STK3: variants seen among roughly 807,000 people sequenced by gnomAD.
STK3 encodes the protein serine/threonine kinase 3, also known as serine/threonine-protein kinase 3.
Under a neutral mutation model 58.0 loss-of-function variants are expected in STK3, and 41 were observed. The ratio of observed to expected loss-of-function variants is 0.71; its 90% CI spans 0.55 to 0.92. The LOEUF (loss-of-function observed/expected upper bound fraction) is 0.92. STK3 is among the 40% of genes least tolerant of loss of function. STK3 has a pLI of 0.00. For synonymous variants in STK3, 170 were observed against 191.0 expected, an observed-to-expected ratio of 0.89 and a Z score of 0.91; for missense variants, 479 against 602.7, an observed-to-expected ratio of 0.79 and a Z score of 2.15.
intron 4 of STK3, among the ~76,000 whole-genome samples, chr8:98,731,722 CA>C (rs35275281): frequency 0.52 from 53,126 of 102,588 alleles, 10,894 homozygotes; most frequent in African/African-American, 0.64. Context: ...GACTCCGTCT[CA>C]AAAAAAAAAA....
At chr8:98,941,956 G>A (rs745634177) in intron 1 of STK3, among the ~76,000 whole-genome samples, 2 of 152,212 alleles carry the variant, frequency 1.3e-5, no homozygotes, top group Non-Finnish European at 2.9e-5. Flanking sequence ...GCTCCGCGGA[G>A]ACAGCCTCGG....
upstream of STK3, among the ~76,000 whole-genome samples, chr8:98,392,804 C>T (rs1158481955): frequency 1.3e-5 from 2 of 152,216 alleles, no homozygotes; most frequent in Non-Finnish European, 2.9e-5. Flanking sequence ...GTCCATGAAG[C>T]CAAGTACCTC....
At chr8:98,738,564 C>G (rs978696890) in intron 4 of STK3, among the ~76,000 whole-genome samples, 2 of 152,146 alleles carry the variant, frequency 1.3e-5, no homozygotes, top group African/African-American at 4.8e-5. Flanking sequence ...TCCCAAACAT[C>G]AAGCACGCCA....
At chr8:98,905,239 T>C in intron 1 of STK3, 3 of 842,922 alleles carry the variant, frequency 3.6e-6, no homozygotes, top group Admixed American at 1.7e-5. Context: ...CAACTACACA[T>C]GCATTATCTT....
At chr8:98,576,142 T>C (rs1813378889) in intron 8 of STK3, among the ~76,000 whole-genome samples, 1 of 152,222 alleles carries the variant, frequency 6.6e-6, no homozygotes, top group Non-Finnish European at 1.5e-5. Context: ...CCCAGTACCA[T>C]TTGTTGAAGA....
At chr8:98,892,618 C>G (rs1350846948) in intron 1 of STK3, among the ~76,000 whole-genome samples, 1 of 152,154 alleles carries the variant, frequency 6.6e-6, no homozygotes, top group Admixed American at 6.5e-5. Context: ...GCTTGGTACA[C>G]TCTCCCCGTT....
At chr8:98,650,202 T>C (rs1197344392) in intron 6 of STK3, among the ~76,000 whole-genome samples, 1 of 152,250 alleles carries the variant, frequency 6.6e-6, no homozygotes, top group Admixed American at 6.5e-5. Context: ...CTAATGTTCA[T>C]ACAGATTATT....
chr8:98,869,741 A>T (rs980411002), intron 3 of STK3, among the ~76,000 whole-genome samples: 76 of 151,984 alleles, frequency 5.0e-4, no homozygotes, highest in African/African-American at 1.4e-3. Flanking sequence ...CAGACTTATC[A>T]TACATTTCAG....
At chr8:98,881,990 A>G (rs982243413), downstream of STK3, 3 of 152,190 alleles carry the variant, frequency 2.0e-5, no homozygotes, top group African/African-American at 4.8e-5. Context: ...CTGTTTCTAA[A>G]AAAAAATTGC....
chr8:98,603,746 G>C (rs192715730), intron 6 of STK3, among the ~76,000 whole-genome samples: 424 of 151,968 alleles, frequency 2.8e-3, no homozygotes, highest in Non-Finnish European at 4.4e-3. Context: ...TGCTGGAAGC[G>C]GGGCCTGGGA....
At chr8:98,916,676 A>G (rs570190763) in intron 1 of STK3, among the ~76,000 whole-genome samples, 164 of 152,298 alleles carry the variant, frequency 1.1e-3, no homozygotes, top group African/African-American at 3.8e-3. Flanking sequence ...ATTGTTATTC[A>G]TCATGCATTC....
chr8:98,696,432 G>T (rs1281375140), intron 6 of STK3, among the ~76,000 whole-genome samples: 1 of 151,406 alleles, frequency 6.6e-6, no homozygotes, highest in Non-Finnish European at 1.5e-5. Context: ...CCTGTCTTGT[G>T]CCAGTTTTCA....
intron 1 of STK3, among the ~76,000 whole-genome samples, chr8:98,798,296 T>A (rs1833308293): frequency 6.6e-6 from 1 of 152,238 alleles, no homozygotes. Context: ...TTTCTATATT[T>A]CTATGTCAAT....
intron 2 of STK3, chr8:98,436,702 C>G (rs1162259025): frequency 6.6e-6 from 1 of 152,210 alleles, no homozygotes; most frequent in Non-Finnish European, 1.5e-5. Context: ...CTGGGGAGCT[C>G]TTCACAATGT....
chr8:98,829,847 A>G (rs969345812), upstream of STK3, among the ~76,000 whole-genome samples: 4 of 152,228 alleles, frequency 2.6e-5, no homozygotes, highest in African/African-American at 4.8e-5. Flanking sequence ...GGGAAACATA[A>G]TAAGATAAAA....
intron 10 of STK3, among the ~76,000 whole-genome samples, chr8:98,467,600 T>G: frequency 6.6e-6 from 1 of 151,706 alleles, no homozygotes; most frequent in East Asian, 1.9e-4. Flanking sequence ...AAATTTGCAG[T>G]TGAAGTAAAG....
chr8:98,630,459 C>T (rs1819096417), intron 6 of STK3, among the ~76,000 whole-genome samples: 1 of 151,942 alleles, frequency 6.6e-6, no homozygotes, highest in African/African-American at 2.4e-5. Context: ...CTGGGCAACA[C>T]AATGAGACCC....
At chr8:98,726,213 C>T (rs2131216303) in intron 4 of STK3, among the ~76,000 whole-genome samples, 1 of 152,274 alleles carries the variant, frequency 6.6e-6, no homozygotes, top group South Asian at 2.1e-4. Flanking sequence ...AGAAGAATAA[C>T]AAAGGTGAAA....
At chr8:98,694,055 T>G (rs1259718260) in intron 6 of STK3, among the ~76,000 whole-genome samples, 1 of 152,212 alleles carries the variant, frequency 6.6e-6, no homozygotes, top group Non-Finnish European at 1.5e-5. Flanking sequence ...TGTGTTTTAC[T>G]TTTTGATATG....
Sources: gnomAD v4.1 joint callset for allele counts (sites outside exome capture counted in the v4.1 genomes callset) on GRCh38, gnomAD v4.1.1 for gene constraint, MANE v1.5 for transcripts, NCBI Gene and HGNC (gene_info 2026-07-23, HGNC 2026-07-21) for gene names.